ROBO2: variants seen among roughly 807,000 people sequenced by gnomAD.
ROBO2 encodes roundabout homolog 2.
In ROBO2, 53 loss-of-function variants were observed where a neutral mutation model predicts 160.8. The observed-to-expected ratio is 0.33, with a 90% confidence interval of 0.26 to 0.41. The LOEUF is 0.41. Among genes scored for constraint, ROBO2 ranks in the 10% least tolerant of loss-of-function variants. ROBO2 has a pLI of 1.00. For synonymous variants in ROBO2, 664 were observed against 611.7 expected (o/e 1.09, Z -1.26); for missense variants, 1,577 against 1,722.4 (o/e 0.92, Z 1.49).
intron 2 of ROBO2, among the ~76,000 whole-genome samples, chr3:76,470,828 A>G (rs1006919113): frequency 6.6e-6 from 1 of 152,042 alleles, no homozygotes; most frequent in Admixed American, 6.6e-5. Context: ...CATCAATGGT[A>G]TTTCCTAATC....
intron 2 of ROBO2, among the ~76,000 whole-genome samples, chr3:76,070,805 C>A (rs2068430222): frequency 6.6e-6 from 1 of 152,032 alleles, no homozygotes; most frequent in Admixed American, 6.6e-5. Context: ...AGCCGGCCGG[C>A]ACTTAGGGAA....
intron 2 of ROBO2, among the ~76,000 whole-genome samples, chr3:76,485,297 C>T (rs897536404): frequency 6.6e-6 from 1 of 151,880 alleles, no homozygotes; most frequent in African/African-American, 2.4e-5. Context: ...TCACAAGGAG[C>T]ACGCAATCTA....
chr3:77,285,949 A>G (rs967045618), intron 2 of ROBO2, among the ~76,000 whole-genome samples: 1 of 152,156 alleles, frequency 6.6e-6, no homozygotes, highest in African/African-American at 2.4e-5. Flanking sequence ...ATATAAAACC[A>G]AAAAGTATAA....
At chr3:76,619,078 C>G (rs908300114) in intron 2 of ROBO2, among the ~76,000 whole-genome samples, 1 of 151,836 alleles carries the variant, frequency 6.6e-6, no homozygotes, top group African/African-American at 2.4e-5. Flanking sequence ...CGGTGGCTCA[C>G]GCCTGTAATC....
chr3:76,108,014 A>C (rs933828978), intron 2 of ROBO2, among the ~76,000 whole-genome samples: 3 of 152,088 alleles, frequency 2.0e-5, no homozygotes, highest in Non-Finnish European at 4.4e-5. Context: ...ATTATAATGC[A>C]TTTTAGGATG....
At chr3:77,119,014 G>A (rs2150246163) in intron 2 of ROBO2, among the ~76,000 whole-genome samples, 1 of 152,226 alleles carries the variant, frequency 6.6e-6, no homozygotes, top group Middle Eastern at 3.4e-3. Context: ...ATTGGATCAT[G>A]GGTGAGGGTT....
intron 2 of ROBO2, among the ~76,000 whole-genome samples, chr3:76,765,223 A>T (rs1352966515): frequency 1.3e-5 from 2 of 151,726 alleles, no homozygotes; most frequent in Non-Finnish European, 3.0e-5. Flanking sequence ...GCTAAACTTT[A>T]AATATGAAAT....
At chr3:76,937,751 G>A (rs2077807325) in intron 2 of ROBO2, among the ~76,000 whole-genome samples, 1 of 152,064 alleles carries the variant, frequency 6.6e-6, no homozygotes, top group African/African-American at 2.4e-5. Context: ...GCATATCCAT[G>A]TAATAAATTT....
chr3:76,871,954 A>T (rs2148683610), intron 2 of ROBO2, among the ~76,000 whole-genome samples: 1 of 152,292 alleles, frequency 6.6e-6, no homozygotes, highest in East Asian at 1.9e-4. Context: ...AAGTCTTCAC[A>T]TTTTTTAAAA....
chr3:76,500,175 A>G lies in ROBO2; in HGVS notation c.109+562573A>G, dbSNP rs534847574. 1.3e-4 allele frequency among the ~76,000 whole-genome samples: 20 copies of G among 152,102 alleles called. No homozygotes were observed. The South Asian group carries it at 1.5e-3, about 11-fold the overall frequency. ...AATCTGTCACCCGGGTTGGAGTGCA[A>G]TGACACAATCACAGCTCACTGCGTC... On this transcript the variant is annotated intron_variant, in intron 2 of 26. Coordinates refer to the ROBO2 transcript ENST00000487694.
intron 4 of ROBO2, among the ~76,000 whole-genome samples, chr3:77,491,248 G>T (rs1369578291): frequency 6.6e-6 from 1 of 152,120 alleles, no homozygotes. Flanking sequence ...TCTCTAGCTT[G>T]TTCATCCCAG....
chr3:77,062,668 C>A lies in ROBO2; in HGVS notation c.61+21822C>A, dbSNP rs150693513. On this transcript the variant is annotated intron_variant, in intron 1 of 25. Coordinates refer to ENST00000461745, the Ensembl canonical transcript of ROBO2. ...ACTTTTAAAAAGTTTATCTGGGCAT[C>A]CAGTGGCCCATAAATTGGAGTTCCA... Among the ~76,000 whole-genome samples, 675 of 152,240 alleles carry A rather than the reference C, an allele frequency of 4.4e-3. 4 individuals carry two copies. The highest frequency in any genetic ancestry group is 0.016 in the African/African-American group (644 of 41,536).
At chr3:76,220,348 CAA>C (rs1042480836) in intron 2 of ROBO2, among the ~76,000 whole-genome samples, 2 of 146,546 alleles carry the variant, frequency 1.4e-5, no homozygotes, top group Non-Finnish European at 3.0e-5. Flanking sequence ...AAAGAGAAAA[CAA>C]AAAAAAAACT....
intron 2 of ROBO2, among the ~76,000 whole-genome samples, chr3:76,065,421 A>G (rs991388549): frequency 6.6e-6 from 1 of 152,082 alleles, no homozygotes; most frequent in Non-Finnish European, 1.5e-5. Flanking sequence ...TAAAGACAAC[A>G]ATCGTGTTGT....
intron 2 of ROBO2, among the ~76,000 whole-genome samples, chr3:76,865,507 T>C (rs2071274947): frequency 6.6e-6 from 1 of 152,084 alleles, no homozygotes; most frequent in East Asian, 1.9e-4. Context: ...ACACCGTCAC[T>C]AGTGCAGAAG....
chr3:77,565,484 A>G lies in ROBO2; in HGVS notation c.1849+364A>G, dbSNP rs28585516. The stretch of plus-strand genomic sequence containing the variant: ...AGTAGATGCCCAAATAGAGGTATAA[A>G]AATTATGTCCTATTGTTTCGGAATT... On this transcript the variant is annotated intron_variant, in intron 12 of 25. Coordinates refer to ENST00000461745, the Ensembl canonical transcript of ROBO2. Among the ~76,000 whole-genome samples the G allele has an allele frequency of 5.2e-3, 799 of 152,206 alleles. 4 individuals are homozygous for G. The highest frequency in any genetic ancestry group is 7.2e-3 in the Non-Finnish European group (487 of 68,002).
At chr3:76,472,102 C>T (rs9830332) in intron 2 of ROBO2, among the ~76,000 whole-genome samples, 5,499 of 86,196 alleles carry the variant, frequency 0.064, 341 homozygotes, top group African/African-American at 0.22. Flanking sequence ...TGTGTGTGTG[C>T]GCGTGTGCGT....
At chr3:77,168,697 TAAAAC>T (rs1451536199) in intron 2 of ROBO2, among the ~76,000 whole-genome samples, 2 of 152,194 alleles carry the variant, frequency 1.3e-5, no homozygotes, top group African/African-American at 2.4e-5. Context: ...ACAGGGAACT[TAAAAC>T]AAACAAAAAG....
chr3:77,435,189 G>A (rs1490702922), intron 2 of ROBO2, among the ~76,000 whole-genome samples: 1 of 151,532 alleles, frequency 6.6e-6, no homozygotes, highest in Non-Finnish European at 1.5e-5. Flanking sequence ...ATAACATAAG[G>A]CTAATTTTCT....
Sources: gnomAD v4.1 joint callset for allele counts (sites outside exome capture counted in the v4.1 genomes callset) on GRCh38, gnomAD v4.1.1 for gene constraint, MANE v1.5 for transcripts, NCBI Gene and HGNC (gene_info 2026-07-23, HGNC 2026-07-21) for gene names.